Variants in SRD5A2 observed in about 807,000 individuals in gnomAD.
SRD5A2 encodes steroid 5 alpha-reductase 2, also known as 3-oxo-5-alpha-steroid 4-dehydrogenase 2.
SRD5A2 carries 30 observed loss-of-function variants against 27.4 expected under a neutral mutation model. The ratio of observed to expected loss-of-function variants is 1.10; its 90% CI spans 0.82 to 1.49. SRD5A2 has a LOEUF of 1.49. Among genes scored for constraint, SRD5A2 ranks in the 40% most tolerant of loss-of-function variants. SRD5A2 has a pLI of 0.00. For synonymous variants in SRD5A2, 141 were observed against 133.6 expected, an observed-to-expected ratio of 1.06 and a Z score of -0.38; for missense variants, 348 against 323.4, an observed-to-expected ratio of 1.08 and a Z score of -0.58.
chr2:31,535,318 C>A (rs1666003593), intron 1 of SRD5A2, among the ~76,000 whole-genome samples: 1 of 152,196 alleles, frequency 6.6e-6, no homozygotes, highest in Non-Finnish European at 1.5e-5. Flanking sequence ...CCGCGCCCAG[C>A]TGAGCCAAAT....
the SRD5A2 span, among the ~76,000 whole-genome samples, chr2:31,613,062 T>A: frequency 6.6e-6 from 1 of 152,126 alleles, no homozygotes; most frequent in Admixed American, 6.6e-5. Context: ...ACTGTAAAGC[T>A]ACTGAAAGAA....
At chr2:31,641,745 A>G in the SRD5A2 span, among the ~76,000 whole-genome samples, 4 of 152,258 alleles carry the variant, frequency 2.6e-5, no homozygotes, top group East Asian at 7.7e-4. Flanking sequence ...ACACAGAAAA[A>G]GTTTGGACAG....
intron 1 of SRD5A2, among the ~76,000 whole-genome samples, chr2:31,566,722 C>T (rs1446614645): frequency 6.6e-6 from 1 of 152,154 alleles, no homozygotes; most frequent in Admixed American, 6.5e-5. Context: ...TTTTAAAATC[C>T]CTCAGAACAG....
chr2:31,560,068 C>A (rs28686905), intron 1 of SRD5A2, among the ~76,000 whole-genome samples: 1 of 76,264 alleles, frequency 1.3e-5, no homozygotes, highest in Non-Finnish European at 2.8e-5. Flanking sequence ...CCCCCCCCCC[C>A]TTTTTTTAAA....
the SRD5A2 span, among the ~76,000 whole-genome samples, chr2:31,634,879 G>A: frequency 6.6e-6 from 1 of 152,064 alleles, no homozygotes. Context: ...TCTTTTTTAT[G>A]GTTGAATAAT....
At chr2:31,584,464 G>A (rs1447837685), upstream of SRD5A2, among the ~76,000 whole-genome samples, 2 of 152,262 alleles carry the variant, frequency 1.3e-5, no homozygotes, top group South Asian at 4.1e-4. Flanking sequence ...AACTACTAGA[G>A]TTGAGCCAAA....
intron 2 of SRD5A2, among the ~76,000 whole-genome samples, chr2:31,532,931 A>G (rs2148066340): frequency 6.6e-6 from 1 of 152,212 alleles, no homozygotes; most frequent in East Asian, 1.9e-4. Context: ...ACCAACCCCC[A>G]TGAATACATG....
upstream of SRD5A2, among the ~76,000 whole-genome samples, chr2:31,584,115 G>C (rs1360686247): frequency 6.6e-6 from 1 of 152,158 alleles, no homozygotes; most frequent in African/African-American, 2.4e-5. Context: ...AAAGGAAGTG[G>C]TTGGGGAACG....
intron 1 of SRD5A2, among the ~76,000 whole-genome samples, chr2:31,552,873 T>A (rs562019950): frequency 2.0e-5 from 3 of 152,006 alleles, no homozygotes; most frequent in African/African-American, 7.2e-5. Context: ...ACATAAAAAA[T>A]CTGGGAAACA....
chr2:31,585,437 C>T (rs1226988525), upstream of SRD5A2, among the ~76,000 whole-genome samples: 1 of 152,062 alleles, frequency 6.6e-6, no homozygotes, highest in Admixed American at 6.6e-5. Context: ...TTGAGGAGGA[C>T]TCTGCCTTGC....
chr2:31,535,216 T>G (rs946208742), intron 1 of SRD5A2, among the ~76,000 whole-genome samples: 1 of 152,088 alleles, frequency 6.6e-6, no homozygotes, highest in Admixed American at 6.5e-5. Context: ...GAGACAGAGT[T>G]TCACCATATT....
intron 1 of SRD5A2, among the ~76,000 whole-genome samples, chr2:31,578,804 C>T (rs186402592): frequency 1.3e-4 from 20 of 151,838 alleles, no homozygotes; most frequent in Admixed American, 2.6e-4. Flanking sequence ...TTAAATGCAC[C>T]GGTCATAATG....
chr2:31,530,138 T>C (rs1665873817), intron 3 of SRD5A2, among the ~76,000 whole-genome samples: 1 of 152,236 alleles, frequency 6.6e-6, no homozygotes, highest in African/African-American at 2.4e-5. Flanking sequence ...TGATATTAAA[T>C]ATATCCACAC....
the SRD5A2 span, among the ~76,000 whole-genome samples, chr2:31,648,407 G>A: frequency 0.62 from 93,868 of 151,856 alleles, 29,219 homozygotes; most frequent in Non-Finnish European, 0.64. Context: ...TTAGTAATTG[G>A]GTGACCCTAG....
the SRD5A2 span, among the ~76,000 whole-genome samples, chr2:31,616,571 T>C: frequency 6.6e-6 from 1 of 152,236 alleles, no homozygotes; most frequent in Admixed American, 6.5e-5. Flanking sequence ...TAGACTTCCA[T>C]GGGGCCTGCA....
the SRD5A2 span, among the ~76,000 whole-genome samples, chr2:31,625,893 T>C: frequency 2.0e-3 from 302 of 152,282 alleles, no homozygotes; most frequent in African/African-American, 6.6e-3. Context: ...TCCAATTCTG[T>C]GAAGAAAGTC....
chr2:31,633,825 T>G, the SRD5A2 span, among the ~76,000 whole-genome samples: 1 of 152,118 alleles, frequency 6.6e-6, no homozygotes, highest in East Asian at 1.9e-4. Flanking sequence ...ACATCCACCT[T>G]TAAACACAGG....
the SRD5A2 span, among the ~76,000 whole-genome samples, chr2:31,587,402 G>A: frequency 6.6e-6 from 1 of 152,188 alleles, no homozygotes; most frequent in Non-Finnish European, 1.5e-5. Flanking sequence ...TCCCATTACT[G>A]GGTATGTACC....
At chr2:31,586,661 A>C in the SRD5A2 span, among the ~76,000 whole-genome samples, 3 of 152,238 alleles carry the variant, frequency 2.0e-5, no homozygotes, top group Admixed American at 6.5e-5. Context: ...GTACATCTAG[A>C]AACTGCAAGA....
Sources: allele counts gnomAD v4.1 joint callset (sites outside exome capture counted in the v4.1 genomes callset), GRCh38; gene constraint gnomAD v4.1.1; transcripts MANE v1.5; gene names NCBI Gene and HGNC (gene_info 2026-07-23, HGNC 2026-07-21).